Variants in SLC1A2 observed in about 807,000 individuals in gnomAD.
SLC1A2 encodes the protein solute carrier family 1 member 2.
In SLC1A2, 15 loss-of-function variants were observed where a neutral mutation model predicts 48.8. That is an observed-to-expected ratio of 0.31 (90% CI 0.21 to 0.47). The LOEUF is 0.47. Ranked by LOEUF, SLC1A2 falls within the 20% of genes least tolerant of loss-of-function variation. The pLI is 0.99. For synonymous variants in SLC1A2, 279 were observed against 272.6 expected, an observed-to-expected ratio of 1.02 and a Z score of -0.23; for missense variants, 502 against 730.5, an observed-to-expected ratio of 0.69 and a Z score of 3.61.
Position 35,306,140 on chromosome 11 carries a change from C to G in SLC1A2, c.664G>C (p.Val222Leu). The G allele has an allele frequency of 6.2e-7, 1 of 1,614,086 alleles. No individual in the cohort carries two copies. Among genetic ancestry groups the G allele is most frequent in the Non-Finnish European group, 8.5e-7 (1 of 1,179,964 alleles). ...VSLLNETVTE[V>L]PEETKMVIKK... Reference sequence around the variant, plus strand: ...ATAACCATCTTAGTCTCCTCCGGCACCTCAGTCACAGTCTCGTTCAACAGA... The same window carrying G: ...ATAACCATCTTAGTCTCCTCCGGCAGCTCAGTCACAGTCTCGTTCAACAGA... Residue 222 changes from valine to leucine, a missense_variant, in exon 5 of 11, where the codon GTG (valine) becomes CTG (leucine). Coordinates refer to ENST00000278379, the MANE Select transcript of SLC1A2 (RefSeq NM_004171.4).
chr11:35,337,940 ATTG>A (rs1263515383), intron 1 of SLC1A2, among the ~76,000 whole-genome samples: 4 of 152,184 alleles, frequency 2.6e-5, no homozygotes, highest in African/African-American at 9.7e-5. Flanking sequence ...CAACATTATC[ATTG>A]TTATTATCCT....
chr11:35,311,668 T>C (rs1435739463), intron 4 of SLC1A2, among the ~76,000 whole-genome samples: 1 of 152,128 alleles, frequency 6.6e-6, no homozygotes, highest in Non-Finnish European at 1.5e-5. Flanking sequence ...AAGCTCCAGA[T>C]TCATCTCTTG....
intron 1 of SLC1A2, among the ~76,000 whole-genome samples, chr11:35,418,103 G>T (rs2135313223): frequency 6.6e-6 from 1 of 152,270 alleles, no homozygotes; most frequent in Admixed American, 6.5e-5. Context: ...GGGAGATACT[G>T]GTCCAAGGAC....
intron 5 of SLC1A2, among the ~76,000 whole-genome samples, chr11:35,305,063 G>C (rs959717773): frequency 9.2e-5 from 14 of 152,180 alleles, no homozygotes; most frequent in African/African-American, 3.1e-4. Flanking sequence ...CATCCATCCA[G>C]ATTCACCATT....
chr11:35,414,595 T>C (rs1408847394), intron 1 of SLC1A2, among the ~76,000 whole-genome samples: 2 of 152,334 alleles, frequency 1.3e-5, no homozygotes, highest in Middle Eastern at 3.4e-3. Context: ...TTTGCCATAA[T>C]CTGGATTCTA....
At chr11:35,276,274 G>A (rs1158998527) in intron 9 of SLC1A2, among the ~76,000 whole-genome samples, 2 of 151,932 alleles carry the variant, frequency 1.3e-5, no homozygotes, top group Non-Finnish European at 2.9e-5. Flanking sequence ...CAGACTGAGG[G>A]CTCCTGCCTC....
At chr11:35,325,928 C>T (rs191983205) in intron 1 of SLC1A2, among the ~76,000 whole-genome samples, 5 of 144,872 alleles carry the variant, frequency 3.5e-5, no homozygotes, top group Non-Finnish European at 7.4e-5. Flanking sequence ...CACACCATTG[C>T]ACTCCAGCCT....
At chr11:35,376,763 GAA>G (rs370975890) in intron 1 of SLC1A2, among the ~76,000 whole-genome samples, 1 of 151,596 alleles carries the variant, frequency 6.6e-6, no homozygotes, top group Non-Finnish European at 1.5e-5. Context: ...ATCTGCTTCA[GAA>G]AAAAAAGCAA....
chr11:35,311,579 C>G (rs1851689276), intron 4 of SLC1A2, among the ~76,000 whole-genome samples: 1 of 152,176 alleles, frequency 6.6e-6, no homozygotes, highest in African/African-American at 2.4e-5. Flanking sequence ...AAGCTTCTAA[C>G]TTTTACTTTG....
At chr11:35,305,610 A>G (rs1488834928) in intron 5 of SLC1A2, among the ~76,000 whole-genome samples, 1 of 152,128 alleles carries the variant, frequency 6.6e-6, no homozygotes, top group African/African-American at 2.4e-5. Context: ...CTTGGTACCT[A>G]CTCCAACACT....
chr11:35,364,788 C>T (rs1034153926), intron 1 of SLC1A2, among the ~76,000 whole-genome samples: 34 of 152,326 alleles, frequency 2.2e-4, no homozygotes, highest in East Asian at 1.7e-3. Flanking sequence ...CACACTCAAC[C>T]TATTTCTTAA....
intron 1 of SLC1A2, among the ~76,000 whole-genome samples, chr11:35,363,472 A>AT (rs1261156549): frequency 6.6e-6 from 1 of 152,140 alleles, no homozygotes; most frequent in African/African-American, 2.4e-5. Context: ...TTCAAACCTC[A>AT]TTTGGGGTAC....
intron 1 of SLC1A2, among the ~76,000 whole-genome samples, chr11:35,355,576 T>TA (rs1415469406): frequency 2.0e-5 from 3 of 152,112 alleles, no homozygotes; most frequent in African/African-American, 2.4e-5. Context: ...TGAGGCCAGT[T>TA]ATAGATCCAG....
chr11:35,391,887 G>C (rs961195213), intron 1 of SLC1A2, among the ~76,000 whole-genome samples: 5 of 152,002 alleles, frequency 3.3e-5, no homozygotes, highest in African/African-American at 1.2e-4. Flanking sequence ...AAGTCACTTT[G>C]GGGGAAAAAG....
Position 35,252,879 on chromosome 11 carries a change from T to C in SLC1A2, c.*8015A>G, listed in dbSNP as rs755469259. The C allele has an allele frequency of 6.5e-6, 1 of 152,674 alleles. No individual in the cohort carries two copies. Among genetic ancestry groups the C allele is most frequent in the Non-Finnish European group, 1.5e-5 (1 of 68,044 alleles). The allele number at this position is 152,674 out of a possible 1,614,324, so 9.5% of individuals were successfully genotyped here. A position where few individuals can be genotyped will look rare whatever the true frequency, so the allele number is the denominator to read the frequency against. On this transcript the variant is annotated 3_prime_UTR_variant, in exon 11 of 11. Coordinates refer to ENST00000278379, the MANE Select transcript of SLC1A2 (RefSeq NM_004171.4). ...TGCGTGAACCAAGTGTCAGTGTGTA[T>C]ACACAAGAGCTTCATGCTTTGACAG... is the stretch of plus-strand genomic sequence containing the variant.
chr11:35,405,855 CA>C (rs1293131049), intron 1 of SLC1A2, among the ~76,000 whole-genome samples: 5 of 152,166 alleles, frequency 3.3e-5, no homozygotes, highest in Non-Finnish European at 5.9e-5. Flanking sequence ...AGAACCTTAC[CA>C]AGATGACCAT....
In SLC1A2 at chr11:35,257,908, G is replaced by A. The variant is rs1253928625; in HGVS notation, c.*2986C>T. On this transcript the variant is annotated 3_prime_UTR_variant, in exon 11 of 11. Coordinates refer to ENST00000278379, the MANE Select transcript of SLC1A2 (RefSeq NM_004171.4). ...TATAACATTTATGCATTATCAAATA[G>A]TAACAGACTATTACAAGCATTCATA... The A allele has an allele frequency of 1.3e-5, 2 of 152,170 alleles. No individual in the cohort carries two copies. The highest frequency in any genetic ancestry group is 6.5e-5 in the Admixed American group (1 of 15,274). 9.4% of individuals were successfully genotyped at this position (152,170 alleles called of 1,614,324 possible). A position where few individuals can be genotyped will look rare whatever the true frequency, so the allele number is the denominator to read the frequency against.
At chr11:35,355,204 T>A (rs986195913) in intron 1 of SLC1A2, among the ~76,000 whole-genome samples, 1 of 152,190 alleles carries the variant, frequency 6.6e-6, no homozygotes, top group African/African-American at 2.4e-5. Flanking sequence ...ACCTTGTTGG[T>A]AGAGAGACTT....
chr11:35,401,271 A>G (rs1393074780), intron 1 of SLC1A2, among the ~76,000 whole-genome samples: 1 of 152,244 alleles, frequency 6.6e-6, no homozygotes, highest in African/African-American at 2.4e-5. Flanking sequence ...CTGGAAAAGG[A>G]ACAGGATTTT....
Sources: allele counts gnomAD v4.1 joint callset (sites outside exome capture counted in the v4.1 genomes callset), GRCh38; gene constraint gnomAD v4.1.1; transcripts MANE v1.5; gene names NCBI Gene and HGNC (gene_info 2026-07-23, HGNC 2026-07-21).